Variants in TSHZ3 observed in about 807,000 individuals in gnomAD.
TSHZ3 encodes teashirt zinc finger homeobox 3.
Under a neutral mutation model 64.5 loss-of-function variants are expected in TSHZ3, and 10 were observed. That is an observed-to-expected ratio of 0.16 (90% CI 0.10 to 0.26). The LOEUF is 0.26. Among genes scored for constraint, TSHZ3 ranks in the 10% least tolerant of loss-of-function variants. The pLI is 1.00. For synonymous variants in TSHZ3, 608 were observed against 593.1 expected (o/e 1.03, Z -0.36); for missense variants, 1,242 against 1,421.7 (o/e 0.87, Z 2.03).
In TSHZ3 at chr19:31,279,452, C is replaced by T; in HGVS notation, c.341G>A (p.Ser114Asn). The T allele has an allele frequency of 6.2e-7, 1 of 1,614,228 alleles. No homozygotes were observed. Among genetic ancestry groups the T allele is most frequent in the Non-Finnish European group, 8.5e-7 (1 of 1,180,038 alleles). ...VPLEDTTVSD[S>N]LEQMKAVYNN... ...GTACACGGCCTTCATCTGCTCCAGGCTATCCGACACAGTCGTGTCTTCCAG... is the reference window on the plus strand; with the variant it reads ...GTACACGGCCTTCATCTGCTCCAGGTTATCCGACACAGTCGTGTCTTCCAG... Residue 114 changes from serine (S) to asparagine (N), a missense_variant, in exon 2 of 2, where the codon AGC becomes AAC. Physicochemically the swap from Ser to Asn is conservative, Grantham distance 46. This residue lies in a region of TSHZ3 where 555 missense variants were observed against 704.0 expected (regional missense o/e 0.79). Coordinates refer to ENST00000240587, the MANE Select transcript of TSHZ3 (RefSeq NM_020856.4). This position sits in a 1 kb window ranked among gnomAD's most constrained non-coding sequence, Gnocchi z 6.4.
intron 6 of TSHZ3, among the ~76,000 whole-genome samples, chr19:31,153,905 C>T (rs911186700): frequency 2.6e-5 from 4 of 152,142 alleles, no homozygotes; most frequent in African/African-American, 9.7e-5. Context: ...CAGCCTTAGC[C>T]CTGTGTTTAG....
chr19:31,253,066 T>C (rs1249059776), intron 1 of TSHZ3, among the ~76,000 whole-genome samples: 5 of 152,216 alleles, frequency 3.3e-5, no homozygotes, highest in Non-Finnish European at 7.3e-5. Flanking sequence ...ATCTTGATAA[T>C]AGAGTCCTAG....
At chr19:31,322,754 G>A (rs1026482155) in intron 1 of TSHZ3, among the ~76,000 whole-genome samples, 2 of 152,182 alleles carry the variant, frequency 1.3e-5, no homozygotes, top group African/African-American at 4.8e-5. Context: ...ATGAGTGAAG[G>A]AATAAATTAG....
At chr19:31,191,314 T>C (rs1974902505) in intron 5 of TSHZ3, among the ~76,000 whole-genome samples, 1 of 152,096 alleles carries the variant, frequency 6.6e-6, no homozygotes, top group African/African-American at 2.4e-5. Context: ...TCATTTAACA[T>C]ACAAGAAAAA....
chr19:31,269,381 C>T (rs1016163987), intron 1 of TSHZ3, among the ~76,000 whole-genome samples: 4 of 152,148 alleles, frequency 2.6e-5, no homozygotes, highest in African/African-American at 9.7e-5. Context: ...AGTCCGGCGA[C>T]CGTACCTCCA....
At chr19:31,227,211 C>T (rs1039054407) in intron 4 of TSHZ3, among the ~76,000 whole-genome samples, 1 of 151,776 alleles carries the variant, frequency 6.6e-6, no homozygotes, top group Non-Finnish European at 1.5e-5. Flanking sequence ...AACCCCTGAC[C>T]TCAAGCCACC....
chr19:31,331,479 C>T (rs188757341), intron 1 of TSHZ3, among the ~76,000 whole-genome samples: 6 of 152,278 alleles, frequency 3.9e-5, no homozygotes, highest in East Asian at 3.9e-4. Context: ...AAAACAATCA[C>T]GGTCCTACTG....
chr19:31,331,540 C>T (rs1428855862), intron 1 of TSHZ3, among the ~76,000 whole-genome samples: 3 of 152,110 alleles, frequency 2.0e-5, no homozygotes, highest in South Asian at 2.1e-4. Flanking sequence ...AACTGCAGCT[C>T]GACCCTGCTT....
intron 4 of TSHZ3, among the ~76,000 whole-genome samples, chr19:31,219,843 G>A (rs1363492317): frequency 5.3e-5 from 8 of 149,636 alleles, no homozygotes; most frequent in Non-Finnish European, 1.0e-4. Context: ...TATTCAAAAT[G>A]TATACTGAAT....
intron 5 of TSHZ3, among the ~76,000 whole-genome samples, chr19:31,157,692 G>A (rs1396061304): frequency 6.6e-6 from 1 of 152,242 alleles, no homozygotes; most frequent in African/African-American, 2.4e-5. Context: ...AGATGGGCTG[G>A]AAGGTGTCAA....
At chr19:31,181,361 G>A (rs1349161313) in intron 5 of TSHZ3, among the ~76,000 whole-genome samples, 1 of 152,096 alleles carries the variant, frequency 6.6e-6, no homozygotes, top group African/African-American at 2.4e-5. Flanking sequence ...AATATTTTAG[G>A]CCTGGTAATA....
At chr19:31,253,968 T>G (rs1412451878) in intron 1 of TSHZ3, among the ~76,000 whole-genome samples, 1 of 152,224 alleles carries the variant, frequency 6.6e-6, no homozygotes, top group Non-Finnish European at 1.5e-5. Flanking sequence ...AAAGGACAGC[T>G]GGGTGTGACT....
intron 4 of TSHZ3, among the ~76,000 whole-genome samples, chr19:31,213,073 T>C (rs1975279771): frequency 6.6e-6 from 1 of 151,914 alleles, no homozygotes; most frequent in Non-Finnish European, 1.5e-5. Context: ...GTAAAAAGAT[T>C]GACTGGGTGC....
At chr19:31,248,043 A>G (rs1755021209) in intron 1 of TSHZ3, among the ~76,000 whole-genome samples, 1 of 152,144 alleles carries the variant, frequency 6.6e-6, no homozygotes, top group Admixed American at 6.5e-5. Context: ...CAGGTAAGAG[A>G]AAATGAGAGC....
intron 5 of TSHZ3, among the ~76,000 whole-genome samples, chr19:31,164,029 C>G (rs1020778583): frequency 2.0e-5 from 3 of 152,156 alleles, no homozygotes; most frequent in African/African-American, 7.2e-5. Flanking sequence ...TTGGTGCTTA[C>G]AGTGAGCAGG....
chr19:31,199,105 C>A (rs183464180), intron 5 of TSHZ3, among the ~76,000 whole-genome samples: 6 of 152,096 alleles, frequency 3.9e-5, no homozygotes, highest in Admixed American at 3.9e-4. Flanking sequence ...CAGAAATAGA[C>A]CTATAAGAAT....
At chr19:31,350,552 C>A (rs942390072), upstream of TSHZ3, among the ~76,000 whole-genome samples, 164 of 151,690 alleles carry the variant, frequency 1.1e-3, no homozygotes, top group Non-Finnish European at 1.7e-3. Context: ...CCTAGGGGGC[C>A]GCCGCGCCGT....
intron 1 of TSHZ3, among the ~76,000 whole-genome samples, chr19:31,346,084 C>A (rs996727309): frequency 6.6e-6 from 1 of 152,248 alleles, no homozygotes; most frequent in Non-Finnish European, 1.5e-5. Context: ...ATCAAAACAT[C>A]AAAAAATCCT....
chr19:31,215,321 A>G (rs1056106139), intron 4 of TSHZ3, among the ~76,000 whole-genome samples: 3 of 152,240 alleles, frequency 2.0e-5, no homozygotes, highest in Non-Finnish European at 2.9e-5. Context: ...ACATTAAATT[A>G]GAAGCATCTG....
Sources: gnomAD v4.1 joint callset for allele counts (sites outside exome capture counted in the v4.1 genomes callset) on GRCh38, gnomAD v4.1.1 for gene constraint, gnomAD v4.1.1 regional missense constraint, Gnocchi (gnomAD v3.1) non-coding constraint, MANE v1.5 for transcripts, NCBI Gene and HGNC (gene_info 2026-07-23, HGNC 2026-07-21) for gene names.